Variants in FRK observed in about 807,000 individuals in gnomAD.
The protein encoded by FRK is fyn related Src family tyrosine kinase, also known as tyrosine-protein kinase FRK.
A neutral mutation model predicts 56.4 loss-of-function variants in FRK; 51 were observed. The observed-to-expected ratio is 0.90, with a 90% CI of 0.72 to 1.14. The LOEUF (loss-of-function observed/expected upper bound fraction) is 1.14. FRK is among the 50% of genes most tolerant of loss of function. The pLI is 0.00. For missense variants in FRK, 570 were observed against 601.4 expected (o/e 0.95, Z 0.55); for synonymous variants, 245 against 217.9 (o/e 1.12, Z -1.10).
Position 115,937,228 on chromosome 6 carries a change from G to C in FRK, c.*5186C>G, listed in dbSNP as rs918718417. On this transcript the variant is annotated 3_prime_UTR_variant, in exon 8 of 8. Coordinates refer to ENST00000606080, the MANE Select transcript of FRK (RefSeq NM_002031.3). Reference sequence around the variant, plus strand: ...AGAATTTCATATCCAACCAAACTCAGTTTCATAAGCGAAGGAGAAATAAAA... The same window carrying C: ...AGAATTTCATATCCAACCAAACTCACTTTCATAAGCGAAGGAGAAATAAAA... The C allele has an allele frequency of 6.6e-6, 1 of 152,128 alleles. No homozygotes were observed. 9.4% of individuals were successfully genotyped at this position (152,128 alleles called of 1,614,324 possible).
At position 116,060,178 on chromosome 6, in the gene FRK, T is replaced by C. The variant is rs764038139; in HGVS notation, c.134A>G (p.His45Arg). ...GTAATCAAACAAAGCCACAAAGTAGTGGCCATGCCTCTGTGACTGGGGAGA... is the reference window on the plus strand; with the variant it reads ...GTAATCAAACAAAGCCACAAAGTAGCGGCCATGCCTCTGTGACTGGGGAGA... ...LCSPQSQRHG[H>R]YFVALFDYQA... The change falls in exon 1 of 8, where the codon CAC becomes CGC. Residue 45 changes from histidine to arginine, a missense_variant. Coordinates refer to ENST00000606080, the MANE Select transcript of FRK (RefSeq NM_002031.3). The C allele has an allele frequency of 8.7e-6, 14 of 1,614,172 alleles. No individual in the cohort carries two copies. The Admixed American group carries it at 2.0e-4, about 23-fold the overall frequency.
intron 1 of FRK, among the ~76,000 whole-genome samples, chr6:116,011,361 CAA>C (rs1036491594): frequency 4.0e-5 from 6 of 151,764 alleles, no homozygotes; most frequent in Non-Finnish European, 2.9e-5. Context: ...CTAGGATTTA[CAA>C]AAGTTAACAT....
chr6:116,033,779 A>G (rs1036476089), intron 1 of FRK, among the ~76,000 whole-genome samples: 4 of 152,052 alleles, frequency 2.6e-5, no homozygotes, highest in Non-Finnish European at 5.9e-5. Flanking sequence ...TTGGCATTTT[A>G]ATGGGGTCAC....
At chr6:116,020,502 G>C (rs986543515) in intron 1 of FRK, among the ~76,000 whole-genome samples, 4 of 152,064 alleles carry the variant, frequency 2.6e-5, no homozygotes, top group African/African-American at 7.2e-5. Context: ...TGTTGGCCAG[G>C]CTGGTTTGAA....
At chr6:115,994,970 G>A (rs973310204) in intron 2 of FRK, among the ~76,000 whole-genome samples, 1 of 152,104 alleles carries the variant, frequency 6.6e-6, no homozygotes, top group African/African-American at 2.4e-5. Flanking sequence ...AAGCTGCCTG[G>A]TTTTCCACTA....
the FRK span, among the ~76,000 whole-genome samples, chr6:116,075,312 T>C: frequency 2.6e-5 from 4 of 151,998 alleles, no homozygotes; most frequent in African/African-American, 7.3e-5. Flanking sequence ...GGGATAATTA[T>C]AGTATCTACA....
In FRK at chr6:115,943,992, T is replaced by C. The variant is rs1224933612; in HGVS notation, c.1140+252A>G. Among the ~76,000 whole-genome samples the C allele has an allele frequency of 2.6e-5, 4 of 152,238 alleles. No individual in the cohort carries two copies. The East Asian group carries it at 7.7e-4, about 29-fold the overall frequency. ...TGACTGGTACTAACTGAAAAATAGA[T>C]CATTAATTCAACTATAAACTTAAGT... is the stretch of plus-strand genomic sequence containing the variant. On this transcript the variant is annotated intron_variant, in intron 6 of 7. Coordinates refer to ENST00000606080, the MANE Select transcript of FRK (RefSeq NM_002031.3).
At chr6:115,953,089 A>T (rs901149340) in intron 5 of FRK, among the ~76,000 whole-genome samples, 10 of 144,800 alleles carry the variant, frequency 6.9e-5, no homozygotes, top group East Asian at 1.9e-4. Flanking sequence ...AAAATAAAAA[A>T]TTTTTTAAAA....
chr6:116,056,255 C>CCCAGCCT (rs1225220643), intron 1 of FRK, among the ~76,000 whole-genome samples: 1 of 150,426 alleles, frequency 6.6e-6, no homozygotes, highest in African/African-American at 2.5e-5. Flanking sequence ...GGCTCTGTCA[C>CCCAGCCT]CCAGCCTGGA....
chr6:116,039,531 A>G, intron 1 of FRK: 1 of 1,226,466 alleles, frequency 8.2e-7, no homozygotes, highest in East Asian at 2.3e-5. Context: ...CTGCCAAGCC[A>G]GGGACTAAGC....
At chr6:116,013,071 T>C (rs2114717119) in intron 1 of FRK, among the ~76,000 whole-genome samples, 1 of 152,312 alleles carries the variant, frequency 6.6e-6, no homozygotes, top group Admixed American at 6.5e-5. Flanking sequence ...TAAAGCTTTT[T>C]TGTTGCTGTT....
chr6:115,953,485 G>A (rs1046549027), intron 5 of FRK, among the ~76,000 whole-genome samples: 8 of 152,132 alleles, frequency 5.3e-5, no homozygotes, highest in Non-Finnish European at 7.4e-5. Context: ...CACCGCGCCC[G>A]GCCCAAGGCC....
intron 2 of FRK, among the ~76,000 whole-genome samples, chr6:115,971,237 C>T (rs889558830): frequency 6.6e-6 from 1 of 152,098 alleles, no homozygotes; most frequent in African/African-American, 2.4e-5. Context: ...GTAAATGTTA[C>T]CTAATTTTCA....
intron 5 of FRK, among the ~76,000 whole-genome samples, chr6:115,953,650 T>C (rs1201079683): frequency 1.3e-5 from 2 of 152,192 alleles, no homozygotes; most frequent in South Asian, 2.1e-4. Flanking sequence ...ATAGGGTTCA[T>C]ACTTAGCCCT....
At chr6:115,961,353 T>C (rs1313500764) in intron 4 of FRK, among the ~76,000 whole-genome samples, 1 of 115,442 alleles carries the variant, frequency 8.7e-6, no homozygotes, top group Non-Finnish European at 1.7e-5. Context: ...GAAAAAAGAA[T>C]AAAAAGAAAT....
At chr6:116,049,691 G>A (rs1163827103) in intron 1 of FRK, among the ~76,000 whole-genome samples, 1 of 152,110 alleles carries the variant, frequency 6.6e-6, no homozygotes, top group Non-Finnish European at 1.5e-5. Flanking sequence ...GCAAATGGGG[G>A]TAATAAAAGC....
At chr6:116,100,080 A>G in the FRK span, among the ~76,000 whole-genome samples, 1 of 152,378 alleles carries the variant, frequency 6.6e-6, no homozygotes, top group East Asian at 1.9e-4. Flanking sequence ...TTTGTGCTCT[A>G]TAAACCTTAA....
chr6:116,042,040 G>A (rs1468175204), intron 1 of FRK, among the ~76,000 whole-genome samples: 1 of 152,172 alleles, frequency 6.6e-6, no homozygotes, highest in African/African-American at 2.4e-5. Flanking sequence ...AAGTCTACCT[G>A]GGACACTAGA....
intron 1 of FRK, among the ~76,000 whole-genome samples, chr6:116,038,284 T>A (rs1405847875): frequency 6.6e-6 from 1 of 152,112 alleles, no homozygotes; most frequent in African/African-American, 2.4e-5. Context: ...ATATAAAAAA[T>A]TTTTTCTTTA....
Sources: gnomAD v4.1 joint callset for allele counts (sites outside exome capture counted in the v4.1 genomes callset) on GRCh38, gnomAD v4.1.1 for gene constraint, MANE v1.5 for transcripts, NCBI Gene and HGNC (gene_info 2026-07-23, HGNC 2026-07-21) for gene names.